SLC11A2: variants seen among roughly 807,000 people sequenced by gnomAD.
The protein encoded by SLC11A2 is solute carrier family 11 member 2, also known as natural resistance-associated macrophage protein 2.
In SLC11A2, 38 loss-of-function variants were observed where a neutral mutation model predicts 68.0. The ratio of observed to expected loss-of-function variants is 0.56; its 90% CI spans 0.43 to 0.73. SLC11A2 has a LOEUF of 0.73. SLC11A2 is among the 30% of genes least tolerant of loss of function. SLC11A2 has a pLI of 0.00. For synonymous variants in SLC11A2, 242 were observed against 250.6 expected (o/e 0.97, Z 0.32); for missense variants, 517 against 690.5 (o/e 0.75, Z 2.82).
chr12:51,002,040 A>G (rs1942292358), intron 5 of SLC11A2, among the ~76,000 whole-genome samples: 1 of 152,192 alleles, frequency 6.6e-6, no homozygotes, highest in Non-Finnish European at 1.5e-5. Flanking sequence ...ACACCTCCAG[A>G]TAGCTAGCAT....
chr12:50,990,309 C>G (rs1178835241), intron 15 of SLC11A2, among the ~76,000 whole-genome samples: 1 of 152,100 alleles, frequency 6.6e-6, no homozygotes, highest in African/African-American at 2.4e-5. Context: ...CACTGCATGC[C>G]CTATTCTCCA....
In SLC11A2 at chr12:50,994,616, T is replaced by G. The variant is rs768187160; in HGVS notation, c.1005A>C (p.Thr335=). Residue 335 remains threonine (T), a synonymous_variant, in exon 11 of 16, where the codon ACA becomes ACC. Transcript: ENST00000262052. ...GGCCAGCATGAGGACTGCTGGTATT[T>G]GTACAGACTTCAACCTAGAACCCAA... ...KTNEQVVEVC[T]NTSSPHAGLF... 7.4e-6 allele frequency: 12 copies of G among 1,611,362 alleles called. No homozygotes were observed. The highest frequency in any genetic ancestry group is 1.0e-5 in the Non-Finnish European group (12 of 1,177,570).
At chr12:51,027,927 G>A (rs1944455418), upstream of SLC11A2, among the ~76,000 whole-genome samples, 1 of 149,216 alleles carries the variant, frequency 6.7e-6, no homozygotes. Context: ...TGGGGGGGGG[G>A]GGCTTGGCTT....
At chr12:50,962,258 A>C in the SLC11A2 span, among the ~76,000 whole-genome samples, 1 of 149,860 alleles carries the variant, frequency 6.7e-6, no homozygotes, top group Non-Finnish European at 1.5e-5. Context: ...CACACACACA[A>C]AATAGCTGGG....
At chr12:51,023,173 G>T (rs564594148) in intron 1 of SLC11A2, among the ~76,000 whole-genome samples, 1 of 152,218 alleles carries the variant, frequency 6.6e-6, no homozygotes, top group Non-Finnish European at 1.5e-5. Context: ...AAGGCTGGGC[G>T]CAGTGGCTCA....
chr12:51,012,347 A>AT (rs1286942627), intron 1 of SLC11A2, among the ~76,000 whole-genome samples: 1 of 122,720 alleles, frequency 8.1e-6, no homozygotes, highest in East Asian at 3.2e-4. Context: ...CAATAAGGCT[A>AT]TTAAAAAAAA....
At chr12:50,953,520 T>C in the SLC11A2 span, among the ~76,000 whole-genome samples, 1 of 152,244 alleles carries the variant, frequency 6.6e-6, no homozygotes, top group Non-Finnish European at 1.5e-5. Flanking sequence ...GACTTTATAA[T>C]GCCCTGCACA....
chr12:50,999,939 C>T (rs1234859925), intron 6 of SLC11A2, among the ~76,000 whole-genome samples: 2 of 151,898 alleles, frequency 1.3e-5, no homozygotes, highest in African/African-American at 2.4e-5. Context: ...ACCTGGGAGG[C>T]GGAGGTTGCA....
intron 10 of SLC11A2, chr12:50,995,118 C>A (rs1302824391): frequency 4.3e-6 from 1 of 233,050 alleles, no homozygotes; most frequent in Non-Finnish European, 8.5e-6. Context: ...TGAGACCAGC[C>A]TGGCCAACAT....
At chr12:50,994,003 A>G (rs1941452973) in intron 11 of SLC11A2, among the ~76,000 whole-genome samples, 1 of 149,572 alleles carries the variant, frequency 6.7e-6, no homozygotes, top group African/African-American at 2.5e-5. Flanking sequence ...AAAAAAAAAA[A>G]AAAAAAAAAA....
Position 50,987,180 on chromosome 12 carries a change from G to A in SLC11A2, c.*1145C>T. Reference sequence around the variant, plus strand: ...TGGTCTCAAGATTTTTCCCTCTGAGGAAACAGCTGTAGAGAGGTAGCCCAG... The same window carrying A: ...TGGTCTCAAGATTTTTCCCTCTGAGAAAACAGCTGTAGAGAGGTAGCCCAG... On this transcript the variant is annotated 3_prime_UTR_variant, in exon 16 of 16. Transcript: ENST00000262052. 1 of 1,284,476 alleles carries A rather than the reference G, an allele frequency of 7.8e-7. No individual in the cohort carries two copies. Among genetic ancestry groups the A allele is most frequent in the Non-Finnish European group, 1.0e-6 (1 of 986,968 alleles). The allele number at this position is 1,284,476 out of a possible 1,614,324, so 79.6% of individuals were successfully genotyped here.
At chr12:51,001,587 A>G in intron 5 of SLC11A2, among the ~76,000 whole-genome samples, 1 of 72,958 alleles carries the variant, frequency 1.4e-5, no homozygotes, top group African/African-American at 6.8e-5. Flanking sequence ...TGCTTTCACA[A>G]AAAAAAAAAA....
rs1420780834 is a variant in SLC11A2 at position 50,994,047 on chromosome 12, C to T, written c.1077+497G>A. Among the ~76,000 whole-genome samples the T allele has an allele frequency of 5.4e-3, 659 of 120,918 alleles. 7 individuals are homozygous for T. The highest frequency in any genetic ancestry group is 0.019 in the African/African-American group (624 of 33,422). The allele number at this position is 120,918 out of a possible 152,430, so 79.3% of individuals were successfully genotyped here. A position where few individuals can be genotyped will look rare whatever the true frequency, so the allele number is the denominator to read the frequency against. Reference sequence around the variant, plus strand: ...GGGTGTATACTGCATCTTTTTTTTCCTTTTTTTTTTAAAGACAGAGTCTTA... The same window carrying T: ...GGGTGTATACTGCATCTTTTTTTTCTTTTTTTTTTTAAAGACAGAGTCTTA... On this transcript the variant is annotated intron_variant, in intron 11 of 15. Transcript: ENST00000262052.
Position 50,986,566 on chromosome 12 carries a change from T to C in SLC11A2, c.*1759A>G. Reference sequence around the variant, plus strand: ...GATACATGTTACCATATCATCTTTATAAAGAATTTTTTTTTTGTCGTCAGT... The same window carrying C: ...GATACATGTTACCATATCATCTTTACAAAGAATTTTTTTTTTGTCGTCAGT... On this transcript the variant is annotated 3_prime_UTR_variant, in exon 16 of 16. Coordinates refer to ENST00000262052, the MANE Select transcript of SLC11A2 (RefSeq NM_000617.3). 2 of 1,287,026 alleles carry C rather than the reference T, an allele frequency of 1.6e-6. No individual in the cohort carries two copies. The highest frequency in any genetic ancestry group is 1.0e-6 in the Non-Finnish European group (1 of 988,656). The allele number at this position is 1,287,026 out of a possible 1,614,324, so 79.7% of individuals were successfully genotyped here. A position where few individuals can be genotyped will look rare whatever the true frequency, so the allele number is the denominator to read the frequency against.
chr12:50,977,647 G>A (rs541838602), downstream of SLC11A2, among the ~76,000 whole-genome samples: 6 of 152,106 alleles, frequency 3.9e-5, no homozygotes, highest in African/African-American at 1.4e-4. Flanking sequence ...TTGACAAATG[G>A]GATCTAATTA....
intron 1 of SLC11A2, 143 bp downstream of exon 1, chr12:51,026,167 C>T: frequency 1.7e-6 from 2 of 1,168,498 alleles, no homozygotes; most frequent in Non-Finnish European, 1.1e-6. Flanking sequence ...CCTGGCCACA[C>T]CTCCCCTCAC....
At chr12:51,028,352 G>A (rs1944468647), upstream of SLC11A2, 1 of 587,870 alleles carries the variant, frequency 1.7e-6, no homozygotes, top group Non-Finnish European at 2.9e-6. Context: ...CTAAAGACGA[G>A]CAAGGAATTT....
At chr12:51,011,456 C>T (rs1465038593) in intron 1 of SLC11A2, among the ~76,000 whole-genome samples, 1 of 151,880 alleles carries the variant, frequency 6.6e-6, no homozygotes, top group Non-Finnish European at 1.5e-5. Context: ...TAAGCATCTA[C>T]ACAGAGGCTG....
intron 1 of SLC11A2, among the ~76,000 whole-genome samples, chr12:51,011,556 T>TG (rs1440564197): frequency 2.0e-5 from 3 of 149,252 alleles, no homozygotes; most frequent in Non-Finnish European, 4.5e-5. Context: ...TGAGTTGTTT[T>TG]TTTTTGTTTT....
Sources: allele counts gnomAD v4.1 joint callset (sites outside exome capture counted in the v4.1 genomes callset), GRCh38; gene constraint gnomAD v4.1.1; transcripts MANE v1.5; gene names NCBI Gene and HGNC (gene_info 2026-07-23, HGNC 2026-07-21).